The following ANO3 variants were observed in gnomAD, a reference collection of about 807,000 sequenced individuals.
ANO3 encodes the protein anoctamin-3.
ANO3 carries 99 observed loss-of-function variants against 144.8 expected under a neutral mutation model. The observed-to-expected ratio is 0.68, with a 90% CI of 0.58 to 0.81. ANO3 has a LOEUF of 0.81. Among genes scored for constraint, ANO3 ranks in the 30% least tolerant of loss-of-function variants. The pLI is 0.00. For missense variants in ANO3, 905 were observed against 1,202.2 expected (o/e 0.75, Z 3.66); for synonymous variants, 414 against 392.6 (o/e 1.05, Z -0.64).
chr11:26,226,099 A>T (rs919120616), intron 1 of ANO3, among the ~76,000 whole-genome samples: 1 of 152,160 alleles, frequency 6.6e-6, no homozygotes, highest in African/African-American at 2.4e-5. Flanking sequence ...CAGTCTTCTT[A>T]AAAAAATGAT....
chr11:26,235,297 G>C (rs574085498), intron 1 of ANO3, among the ~76,000 whole-genome samples: 1 of 152,192 alleles, frequency 6.6e-6, no homozygotes, highest in Admixed American at 6.5e-5. Flanking sequence ...CTTTTTAAAA[G>C]ATATTATTCT....
At chr11:26,311,275 G>T (rs1416025608) in intron 1 of ANO3, among the ~76,000 whole-genome samples, 1 of 152,166 alleles carries the variant, frequency 6.6e-6, no homozygotes, top group Non-Finnish European at 1.5e-5. Flanking sequence ...TGAGGCCAGT[G>T]CTACTACTAG....
chr11:26,308,091 G>A (rs1240541465), upstream of ANO3, among the ~76,000 whole-genome samples: 2 of 152,070 alleles, frequency 1.3e-5, no homozygotes, highest in African/African-American at 4.8e-5. Context: ...TGAACATCTG[G>A]TCTTAGTCTC....
intron 1 of ANO3, among the ~76,000 whole-genome samples, chr11:26,399,191 T>C (rs1488597476): frequency 6.6e-6 from 1 of 151,950 alleles, no homozygotes; most frequent in Admixed American, 6.6e-5. Flanking sequence ...CTTTCCTTCA[T>C]CTATCATTCT....
At chr11:26,328,450 C>T (rs200612628), upstream of ANO3, among the ~76,000 whole-genome samples, 5 of 152,122 alleles carry the variant, frequency 3.3e-5, no homozygotes, top group East Asian at 9.6e-4. Flanking sequence ...TTAATTAAGG[C>T]AGTGATTCAT....
intron 14 of ANO3, among the ~76,000 whole-genome samples, chr11:26,596,659 C>T (rs1173366165): frequency 1.3e-5 from 2 of 152,122 alleles, no homozygotes; most frequent in African/African-American, 4.8e-5. Flanking sequence ...AAGTCTGAAG[C>T]ATTAGTACCT....
chr11:26,608,013 T>C (rs10767557), intron 17 of ANO3, among the ~76,000 whole-genome samples: 106,526 of 152,108 alleles, frequency 0.7, 38,388 homozygotes, highest in East Asian at 0.84. Context: ...AGAAAAGGTA[T>C]TCTGGCCTTT....
Position 26,662,196 on chromosome 11 carries a change from A to G in ANO3, c.*1752A>G, listed in dbSNP as rs1053154354. ...GTTTCATTGTTTGTTTTTGTCAAGC[A>G]TATTCACTTTCCTCCTTGTCCTCTG... On this transcript the variant is annotated 3_prime_UTR_variant, in exon 27 of 27. Coordinates refer to ENST00000256737, the MANE Select transcript of ANO3 (RefSeq NM_031418.4). 3.2e-4 allele frequency: 48 copies of G among 152,146 alleles called. No homozygotes were observed. The highest frequency in any genetic ancestry group is 1.1e-3 in the African/African-American group (46 of 41,544). 9.4% of individuals were successfully genotyped at this position (152,146 alleles called of 1,614,324 possible). A position where few individuals can be genotyped will look rare whatever the true frequency, so the allele number is the denominator to read the frequency against.
At chr11:26,389,066 CAG>C (rs572514867) in intron 1 of ANO3, among the ~76,000 whole-genome samples, 29 of 152,254 alleles carry the variant, frequency 1.9e-4, no homozygotes, top group African/African-American at 6.5e-4. Flanking sequence ...GTAAGTCACA[CAG>C]AATTTCTTTC....
chr11:26,395,377 A>G (rs183588279), intron 1 of ANO3, among the ~76,000 whole-genome samples: 1,588 of 152,238 alleles, frequency 0.01, 17 homozygotes, highest in Non-Finnish European at 0.016. Flanking sequence ...CAGTATGGCC[A>G]TTTTCACAAT....
intron 14 of ANO3, chr11:26,572,358 T>C: frequency 2.4e-5 from 12 of 505,168 alleles, no homozygotes; most frequent in Non-Finnish European, 3.1e-5. Flanking sequence ...GACAAGGTAT[T>C]ACTCTCGTCA....
At chr11:26,395,011 C>T (rs1053653354) in intron 1 of ANO3, among the ~76,000 whole-genome samples, 3 of 152,130 alleles carry the variant, frequency 2.0e-5, no homozygotes, top group Non-Finnish European at 2.9e-5. Context: ...GGAACAACAT[C>T]ATATTATGGG....
chr11:26,476,847 T>G (rs1266489655), intron 4 of ANO3, among the ~76,000 whole-genome samples: 1 of 151,402 alleles, frequency 6.6e-6, no homozygotes, highest in Non-Finnish European at 1.5e-5. Flanking sequence ...GACAGGGAGA[T>G]GAGTCAAAGT....
In ANO3 at chr11:26,624,560, G is replaced by T. The variant is rs568825330; in HGVS notation, c.1873+62G>T. The T allele has an allele frequency of 3.1e-4, 367 of 1,194,998 alleles. 1 individual carries two copies. Among genetic ancestry groups the T allele is most frequent in the Non-Finnish European group, 4.2e-4 (345 of 813,870 alleles). The allele number at this position is 1,194,998 out of a possible 1,614,324, so 74.0% of individuals were successfully genotyped here. On this transcript the variant is annotated intron_variant, in intron 18 of 26. Coordinates refer to ENST00000256737, the MANE Select transcript of ANO3 (RefSeq NM_031418.4). ...AAATAACATATGGGCATTTCAGTCTGTAGTTACTTTATATAATGTAGCATT... is the reference window on the plus strand; with the variant it reads ...AAATAACATATGGGCATTTCAGTCTTTAGTTACTTTATATAATGTAGCATT...
rs201712393 is a variant in ANO3 at position 26,595,460 on chromosome 11, G to GTTTTTTTTT, written c.1448-2886_1448-2878dup. 8.7e-3 allele frequency among the ~76,000 whole-genome samples: 878 copies of GTTTTTTTTT among 101,296 alleles called. 100 individuals carry two copies. The highest frequency in any genetic ancestry group is 0.021 in the African/African-American group (501 of 23,904). 66.5% of individuals were successfully genotyped at this position (101,296 alleles called of 152,430 possible). ...TTTGACTCAGTATTGAGATAGAGTT[G>GTTTTTTTTT]TTTTTTTTTTTTTTTTTTTTTTTTT... is the stretch of plus-strand genomic sequence containing the variant. On this transcript the variant is annotated intron_variant, in intron 14 of 26. Transcript: ENST00000256737.
At chr11:26,512,249 G>C (rs1042045804) in intron 5 of ANO3, among the ~76,000 whole-genome samples, 4 of 152,224 alleles carry the variant, frequency 2.6e-5, no homozygotes, top group African/African-American at 9.6e-5. Context: ...TTGTAAAAAC[G>C]TAATTTTTAA....
chr11:26,213,918 G>A (rs946970073), intron 1 of ANO3, among the ~76,000 whole-genome samples: 1 of 151,902 alleles, frequency 6.6e-6, no homozygotes, highest in Non-Finnish European at 1.5e-5. Flanking sequence ...TTAGTTATTT[G>A]AATTTGCATT....
chr11:26,321,193 C>A (rs1854751939), intron 1 of ANO3, among the ~76,000 whole-genome samples: 1 of 152,006 alleles, frequency 6.6e-6, no homozygotes, highest in African/African-American at 2.4e-5. Context: ...TATTTCCCTC[C>A]TACTTGATCC....
chr11:26,620,741 C>G (rs763090749), intron 17 of ANO3, among the ~76,000 whole-genome samples: 18 of 152,138 alleles, frequency 1.2e-4, no homozygotes, highest in Non-Finnish European at 1.0e-4. Context: ...CTTTCATGGG[C>G]CTGATCACTG....
Sources: allele counts gnomAD v4.1 joint callset (sites outside exome capture counted in the v4.1 genomes callset), GRCh38; gene constraint gnomAD v4.1.1; transcripts MANE v1.5; gene names NCBI Gene and HGNC (gene_info 2026-07-23, HGNC 2026-07-21).